Variants in DNAH7 observed in about 807,000 individuals in gnomAD.
DNAH7 encodes axonemal beta dynein heavy chain 7.
In DNAH7, 397 loss-of-function variants were observed where a neutral mutation model predicts 444.6. The ratio of observed to expected loss-of-function variants is 0.89; its 90% CI spans 0.82 to 0.97. The LOEUF (loss-of-function observed/expected upper bound fraction) is 0.97, where lower values mean the gene tolerates loss of function less well. Among genes scored for constraint, DNAH7 ranks in the 50% least tolerant of loss-of-function variants. The pLI is 0.00. For missense variants in DNAH7, 4,902 were observed against 4,800.8 expected (o/e 1.02, Z -0.62); for synonymous variants, 1,636 against 1,624.4 (o/e 1.01, Z -0.17).
chr2:195,848,180 G>A (rs1337100600), intron 46 of DNAH7, among the ~76,000 whole-genome samples: 1 of 152,206 alleles, frequency 6.6e-6, no homozygotes, highest in African/African-American at 2.4e-5. Flanking sequence ...GGCTCCTGCT[G>A]AGTAGGCTGG....
At chr2:196,041,539 C>T (rs532240905) in intron 5 of DNAH7, among the ~76,000 whole-genome samples, 6 of 151,984 alleles carry the variant, frequency 3.9e-5, no homozygotes, top group East Asian at 1.9e-4. Flanking sequence ...CTATCTCTCA[C>T]CATCTACAAA....
chr2:195,920,720 G>A (rs1687969934), intron 24 of DNAH7, among the ~76,000 whole-genome samples: 3 of 152,090 alleles, frequency 2.0e-5, no homozygotes, highest in Admixed American at 2.0e-4. Flanking sequence ...TAAATAGATG[G>A]GACTTAATTA....
intron 10 of DNAH7, among the ~76,000 whole-genome samples, chr2:196,004,731 C>G (rs1415415101): frequency 6.6e-6 from 1 of 151,566 alleles, no homozygotes; most frequent in East Asian, 1.9e-4. Flanking sequence ...GGGACGATTT[C>G]TTGAGTCCAG....
chr2:195,976,598 G>GT (rs943803098), intron 15 of DNAH7, among the ~76,000 whole-genome samples: 5 of 152,048 alleles, frequency 3.3e-5, no homozygotes, highest in Admixed American at 1.3e-4. Flanking sequence ...CAAGTAAGAG[G>GT]TTACCATGGG....
chr2:195,873,506 G>T, intron 39 of DNAH7, 62 bp downstream of exon 39: 5 of 1,020,342 alleles, frequency 4.9e-6, no homozygotes, highest in Non-Finnish European at 6.7e-6. Flanking sequence ...ACTTAATATT[G>T]ATATGTTTCT....
intron 54 of DNAH7, among the ~76,000 whole-genome samples, chr2:195,804,059 G>A (rs981146879): frequency 5.4e-5 from 5 of 92,356 alleles, no homozygotes; most frequent in South Asian, 3.3e-4. Context: ...GAGAGGGGGG[G>A]AAGGAGACCC....
Position 195,960,801 on chromosome 2 carries a change from T to C in DNAH7, c.2350A>G (p.Thr784Ala). 1.2e-6 allele frequency: 2 copies of C among 1,614,144 alleles called. No individual in the cohort carries two copies. Among genetic ancestry groups the C allele is most frequent in the Admixed American group, 3.3e-5 (2 of 60,032 alleles). ...VEFSSNYRAW[T>A]EGPYHKVNPD... ...TTCACTTTATGATATGGCCCTTCTG[T>C]CCATGCTCTATAGTTGCTGCTAAAT... The change falls in exon 18 of 65, where the codon ACA becomes GCA. Residue 784 changes from threonine (T) to alanine (A), a missense_variant. Thr to Ala is a moderately conservative substitution (Grantham distance 58, BLOSUM62 0). Transcript: ENST00000312428.
intron 34 of DNAH7, among the ~76,000 whole-genome samples, chr2:195,885,053 A>G (rs1701630515): frequency 6.6e-6 from 1 of 152,238 alleles, no homozygotes; most frequent in Non-Finnish European, 1.5e-5. Context: ...GTGAAACTTC[A>G]GAATGATTAA....
At chr2:195,962,979 C>T (rs988446828) in intron 17 of DNAH7, among the ~76,000 whole-genome samples, 45 of 152,116 alleles carry the variant, frequency 3.0e-4, no homozygotes, top group Admixed American at 2.9e-3. Flanking sequence ...AGTACACCAT[C>T]GTATACAGAT....
In DNAH7 at chr2:195,996,577, C is replaced by T. The variant is rs150618015; in HGVS notation, c.1353+4127G>A. 6.4e-3 allele frequency among the ~76,000 whole-genome samples: 976 copies of T among 152,214 alleles called. 4 individuals carry two copies. The highest frequency in any genetic ancestry group is 0.034 in the Middle Eastern group (10 of 294). On this transcript the variant is annotated intron_variant, in intron 12 of 64. Transcript: ENST00000312428. ...AGTACCTGGGATTACAGGTGCCCAC[C>T]ACCATGCCCGGCTGATTTTTGTAGT...
At chr2:195,949,865 G>A (rs1482400925) in intron 19 of DNAH7, among the ~76,000 whole-genome samples, 1 of 152,108 alleles carries the variant, frequency 6.6e-6, no homozygotes, top group East Asian at 1.9e-4. Flanking sequence ...ATAATCATGT[G>A]GTTTTTGTCA....
At position 195,875,792 on chromosome 2, in the gene DNAH7, G is replaced by A; in HGVS notation, c.6169C>T (p.Gln2057Ter). 1 of 1,613,706 alleles carries A rather than the reference G, an allele frequency of 6.2e-7. No individual in the cohort carries two copies. Among genetic ancestry groups the A allele is most frequent in the East Asian group, 2.2e-5 (1 of 44,874 alleles). ...NMPAREVYGAQPPIELLRQWL... is the reference protein window; with the variant it reads ...NMPAREVYGA Reference sequence around the variant, plus strand: ...TGTCTAAGTAACTCAATGGGAGGTTGAGCCCCATATACCTCCCGAGCAGGC... The same window carrying A: ...TGTCTAAGTAACTCAATGGGAGGTTAAGCCCCATATACCTCCCGAGCAGGC... Residue 2057 changes from glutamine (Q) to a stop codon, truncating the protein, a stop_gained, in exon 38 of 65, where the codon CAA becomes TAA. Coordinates refer to ENST00000312428, the MANE Select transcript of DNAH7 (RefSeq NM_018897.3). LOFTEE classifies it high-confidence loss of function.
At chr2:195,981,056 T>C (rs898629192) in intron 15 of DNAH7, among the ~76,000 whole-genome samples, 5 of 152,092 alleles carry the variant, frequency 3.3e-5, no homozygotes, top group Non-Finnish European at 1.5e-5. Context: ...AGTTAAATTA[T>C]CCTCGTTTGC....
intron 63 of DNAH7, among the ~76,000 whole-genome samples, chr2:195,750,149 A>T (rs552047762): frequency 7.2e-5 from 11 of 152,238 alleles, no homozygotes; most frequent in African/African-American, 2.6e-4. Context: ...GTTGTGCTTT[A>T]TTTTTACTCC....
intron 63 of DNAH7, among the ~76,000 whole-genome samples, chr2:195,753,839 G>A (rs1255783990): frequency 6.6e-6 from 1 of 152,072 alleles, no homozygotes; most frequent in African/African-American, 2.4e-5. Flanking sequence ...GTTTTGGAAT[G>A]TTAAGCTATA....
At chr2:195,759,746 G>T (rs546134530) in intron 61 of DNAH7, among the ~76,000 whole-genome samples, 1 of 152,080 alleles carries the variant, frequency 6.6e-6, no homozygotes, top group Non-Finnish European at 1.5e-5. Context: ...CAGCTGCTTG[G>T]GGGGCTGAGG....
intron 20 of DNAH7, among the ~76,000 whole-genome samples, chr2:195,935,228 C>G (rs1389016144): frequency 6.6e-6 from 1 of 152,162 alleles, no homozygotes; most frequent in Admixed American, 6.6e-5. Context: ...TGTTTAGTAA[C>G]TTAGGTACTT....
At chr2:195,739,938 T>C (rs753734087) in intron 64 of DNAH7, among the ~76,000 whole-genome samples, 1 of 152,206 alleles carries the variant, frequency 6.6e-6, no homozygotes, top group Admixed American at 6.5e-5. Context: ...TGTTGGCGAT[T>C]TCACTGTTTA....
At chr2:195,837,849 T>C (rs1384791667) in intron 47 of DNAH7, among the ~76,000 whole-genome samples, 1 of 152,084 alleles carries the variant, frequency 6.6e-6, no homozygotes, top group Non-Finnish European at 1.5e-5. Context: ...GTATTTTTCT[T>C]TTTTCTTACC....
Sources: allele counts gnomAD v4.1 joint callset (sites outside exome capture counted in the v4.1 genomes callset), GRCh38; gene constraint gnomAD v4.1.1; transcripts MANE v1.5; gene names NCBI Gene and HGNC (gene_info 2026-07-23, HGNC 2026-07-21).